The following TXNDC16 variants were observed in gnomAD, a reference collection of about 807,000 sequenced individuals.
The protein encoded by TXNDC16 is thioredoxin domain containing 16.
In TXNDC16, 74 loss-of-function variants were observed where a neutral mutation model predicts 85.6. The ratio of observed to expected loss-of-function variants is 0.86; its 90% CI spans 0.72 to 1.05. The LOEUF is 1.05. Among genes scored for constraint, TXNDC16 ranks in the 50% least tolerant of loss-of-function variants. The pLI is 0.00. For synonymous variants in TXNDC16, 335 were observed against 326.5 expected, an observed-to-expected ratio of 1.03 and a Z score of -0.28; for missense variants, 959 against 947.0, an observed-to-expected ratio of 1.01 and a Z score of -0.17.
chr14:52,543,783 TAAC>T (rs907894042), intron 2 of TXNDC16, among the ~76,000 whole-genome samples, 153 bp from the exon 3 acceptor site: 5 of 152,144 alleles, frequency 3.3e-5, no homozygotes, highest in Non-Finnish European at 7.4e-5. Context: ...GGACAATATA[TAAC>T]AACATTGACT....
intron 12 of TXNDC16, among the ~76,000 whole-genome samples, chr14:52,488,019 T>A (rs1446164797): frequency 3.3e-5 from 5 of 152,220 alleles, no homozygotes; most frequent in Admixed American, 3.3e-4. Flanking sequence ...CTAATAAAAA[T>A]AGTAACAATG....
chr14:52,552,487 C>T lies in TXNDC16; in HGVS notation c.-353G>A, dbSNP rs902675843. ...AGGCGTAGCACTTCTCCCTCCCAGCCTGCAGCCGCCACCGACTCGGCGGAG... is the reference window on the plus strand; with the variant it reads ...AGGCGTAGCACTTCTCCCTCCCAGCTTGCAGCCGCCACCGACTCGGCGGAG... On this transcript the variant is annotated 5_prime_UTR_variant, in exon 1 of 21. Transcript: ENST00000281741. 3 of 152,424 alleles carry T rather than the reference C, an allele frequency of 2.0e-5. No homozygotes were observed. Among genetic ancestry groups the T allele is most frequent in the Non-Finnish European group, 4.4e-5 (3 of 68,200 alleles). The allele number at this position is 152,424 out of a possible 1,614,324, so 9.4% of individuals were successfully genotyped here. A position where few individuals can be genotyped will look rare whatever the true frequency, so the allele number is the denominator to read the frequency against.
At chr14:52,491,919 G>A (rs1008551350) in intron 9 of TXNDC16, among the ~76,000 whole-genome samples, 1 of 152,198 alleles carries the variant, frequency 6.6e-6, no homozygotes, top group African/African-American at 2.4e-5. Context: ...AGCCATTAGA[G>A]GGAAAACTAA....
intron 16 of TXNDC16, among the ~76,000 whole-genome samples, chr14:52,465,459 G>A (rs34804177): frequency 0.016 from 2,391 of 152,114 alleles, 26 homozygotes; most frequent in Non-Finnish European, 0.023. Context: ...GGGCTTGGTG[G>A]CGGGCGCCTG....
At chr14:52,546,600 A>C (rs1030685801) in intron 1 of TXNDC16, among the ~76,000 whole-genome samples, 10 of 152,224 alleles carry the variant, frequency 6.6e-5, no homozygotes, top group Admixed American at 5.9e-4. Flanking sequence ...TGCTGCAGTC[A>C]AGAGAAATGC....
chr14:52,451,953 G>A (rs1383732691), intron 18 of TXNDC16, among the ~76,000 whole-genome samples: 1 of 152,042 alleles, frequency 6.6e-6, no homozygotes, highest in Non-Finnish European at 1.5e-5. Flanking sequence ...AGACTCCATC[G>A]AAAAACTATT....
intron 9 of TXNDC16, among the ~76,000 whole-genome samples, chr14:52,510,567 T>C (rs1179711000): frequency 1.3e-5 from 2 of 152,168 alleles, no homozygotes; most frequent in Non-Finnish European, 2.9e-5. Context: ...AACTTCTGAG[T>C]AGACGGATTA....
intron 13 of TXNDC16, 21 bp downstream of exon 13, chr14:52,482,801 C>A (rs759138082): frequency 1.3e-6 from 2 of 1,570,602 alleles, no homozygotes; most frequent in East Asian, 4.6e-5. Flanking sequence ...ATGTAACAGT[C>A]CTCTAAAGGC....
intron 6 of TXNDC16, among the ~76,000 whole-genome samples, chr14:52,529,865 A>G (rs1229423703): frequency 2.8e-5 from 3 of 106,786 alleles, no homozygotes; most frequent in Non-Finnish European, 5.0e-5. Flanking sequence ...TATATATAAT[A>G]TGATACCTAT....
intron 9 of TXNDC16, among the ~76,000 whole-genome samples, chr14:52,502,746 G>A (rs982450373): frequency 2.6e-5 from 4 of 152,124 alleles, no homozygotes; most frequent in East Asian, 1.9e-4. Flanking sequence ...TCGGTACAGC[G>A]CACCGAGCGT....
chr14:52,477,512 CA>C (rs1411939455), intron 14 of TXNDC16, among the ~76,000 whole-genome samples: 2 of 152,098 alleles, frequency 1.3e-5, no homozygotes, highest in Non-Finnish European at 2.9e-5. Flanking sequence ...CAAAAGCGAG[CA>C]GGGGTAGCTA....
chr14:52,551,227 T>C (rs191680564), intron 1 of TXNDC16, among the ~76,000 whole-genome samples: 12 of 150,404 alleles, frequency 8.0e-5, no homozygotes, highest in Admixed American at 6.0e-4. Flanking sequence ...AATACTTAGC[T>C]AGGAAAAAAG....
intron 9 of TXNDC16, among the ~76,000 whole-genome samples, chr14:52,506,909 T>C (rs2036822868): frequency 6.6e-6 from 1 of 151,290 alleles, no homozygotes; most frequent in Non-Finnish European, 1.5e-5. Flanking sequence ...TGATGGGATG[T>C]ATCTCAAAAT....
chr14:52,515,693 GT>G (rs1172239513), intron 7 of TXNDC16, among the ~76,000 whole-genome samples: 55 of 151,532 alleles, frequency 3.6e-4, no homozygotes, highest in African/African-American at 1.3e-3. Flanking sequence ...GTGTGTGTGT[GT>G]GTGTGTGTGT....
chr14:52,515,151 T>C (rs1296726031), intron 7 of TXNDC16, among the ~76,000 whole-genome samples, 181 bp from the exon 8 acceptor site: 2 of 152,196 alleles, frequency 1.3e-5, no homozygotes, highest in Non-Finnish European at 2.9e-5. Flanking sequence ...AAAAAGTCTA[T>C]TCTATTCAAG....
intron 9 of TXNDC16, among the ~76,000 whole-genome samples, chr14:52,502,187 T>C (rs1164686132): frequency 6.6e-6 from 1 of 152,240 alleles, no homozygotes; most frequent in Non-Finnish European, 1.5e-5. Context: ...TTCCTACCTA[T>C]TTCAGTGTCT....
At chr14:52,544,064 C>G (rs759610279) in intron 2 of TXNDC16, among the ~76,000 whole-genome samples, 200 bp downstream of exon 2, 12 of 152,002 alleles carry the variant, frequency 7.9e-5, no homozygotes, top group Non-Finnish European at 1.6e-4. Flanking sequence ...TACTTTAAAT[C>G]CCCTAGAAGA....
intron 12 of TXNDC16, among the ~76,000 whole-genome samples, chr14:52,485,728 G>T (rs1163500875): frequency 2.6e-5 from 4 of 152,144 alleles, no homozygotes; most frequent in Non-Finnish European, 5.9e-5. Context: ...TGTGGCCTAG[G>T]AGCAATAGGA....
At chr14:52,433,885 G>A (rs2034964492) in intron 20 of TXNDC16, among the ~76,000 whole-genome samples, 1 of 152,266 alleles carries the variant, frequency 6.6e-6, no homozygotes, top group Non-Finnish European at 1.5e-5. Flanking sequence ...GTATCTGTAA[G>A]AGTCCAGTTT....
Sources: allele counts gnomAD v4.1 joint callset (sites outside exome capture counted in the v4.1 genomes callset), GRCh38; gene constraint gnomAD v4.1.1; transcripts MANE v1.5; gene names NCBI Gene and HGNC (gene_info 2026-07-23, HGNC 2026-07-21).